Variants in DAB1 observed in about 807,000 individuals in gnomAD.
The protein encoded by DAB1 is DAB adaptor protein 1, also known as disabled homolog 1.
Under a neutral mutation model 64.6 loss-of-function variants are expected in DAB1, and 15 were observed. That is an observed-to-expected ratio of 0.23 (90% CI 0.16 to 0.36). The LOEUF (loss-of-function observed/expected upper bound fraction) is 0.36, where lower values mean the gene tolerates loss of function less well. DAB1 is among the 10% of genes least tolerant of loss of function. The pLI, the probability that DAB1 is intolerant of heterozygous loss-of-function variation, is 1.00. For missense variants in DAB1, 596 were observed against 706.7 expected, an observed-to-expected ratio of 0.84 and a Z score of 1.78; for synonymous variants, 235 against 251.9, an observed-to-expected ratio of 0.93 and a Z score of 0.64.
chr1:57,233,973 A>G (rs1338378279), intron 2 of DAB1, among the ~76,000 whole-genome samples: 3 of 152,112 alleles, frequency 2.0e-5, no homozygotes, highest in Admixed American at 2.0e-4. Flanking sequence ...AGAGGTAGAA[A>G]ACCATATTAA....
intron 7 of DAB1, among the ~76,000 whole-genome samples, chr1:57,597,716 T>G (rs992222226): frequency 6.6e-6 from 1 of 152,216 alleles, no homozygotes; most frequent in African/African-American, 2.4e-5. Context: ...CACAGCTAAT[T>G]TTTTCTTTAA....
intron 5 of DAB1, among the ~76,000 whole-genome samples, chr1:58,106,893 C>T (rs1259020763): frequency 1.1e-4 from 12 of 113,036 alleles, no homozygotes; most frequent in African/African-American, 4.4e-4. Context: ...TCCTTCCCTT[C>T]CTCTCTCCCT....
intron 7 of DAB1, among the ~76,000 whole-genome samples, chr1:57,543,028 G>A (rs1348735631): frequency 6.6e-6 from 1 of 152,114 alleles, no homozygotes; most frequent in Non-Finnish European, 1.5e-5. Flanking sequence ...GAGTGAGCTT[G>A]GAGGCATATC....
intron 3 of DAB1, among the ~76,000 whole-genome samples, chr1:58,389,132 A>G (rs1217253798): frequency 1.3e-5 from 2 of 152,180 alleles, no homozygotes; most frequent in African/African-American, 4.8e-5. Context: ...CCCTATTTTG[A>G]CAGAGTACTA....
At chr1:57,400,544 G>T (rs1683159938) in intron 1 of DAB1, among the ~76,000 whole-genome samples, 1 of 150,938 alleles carries the variant, frequency 6.6e-6, no homozygotes, top group Non-Finnish European at 1.5e-5. Flanking sequence ...CTACTTGCCA[G>T]TATCAGTCTT....
chr1:57,240,940 T>A (rs1457325411), intron 2 of DAB1, among the ~76,000 whole-genome samples: 1 of 152,190 alleles, frequency 6.6e-6, no homozygotes, highest in Non-Finnish European at 1.5e-5. Context: ...CCTTCTTGCA[T>A]CTCCTGGTGG....
Position 58,541,108 on chromosome 1 carries a change from G to C in DAB1, n.32+5595C>G, listed in dbSNP as rs865847510. Reference sequence around the variant, plus strand: ...GTGGATCATTTGAGGTCAGGCATTCGAGGCGTGAAACCCCGTCTCTACTAA... The same window carrying C: ...GTGGATCATTTGAGGTCAGGCATTCCAGGCGTGAAACCCCGTCTCTACTAA... On this transcript the variant is annotated intron_variant and non_coding_transcript_variant, in intron 1 of 20. Transcript: ENST00000485760. Among the ~76,000 whole-genome samples, 24 of 4,412 alleles carry C rather than the reference G, an allele frequency of 5.4e-3. No homozygotes were observed. The East Asian group carries it at 0.23, about 42-fold the overall frequency. The allele number at this position is 4,412 out of a possible 152,430, so 2.9% of individuals were successfully genotyped here. A position where few individuals can be genotyped will look rare whatever the true frequency, so the allele number is the denominator to read the frequency against.
At chr1:57,911,655 G>C (rs998418141) in intron 5 of DAB1, among the ~76,000 whole-genome samples, 3 of 152,182 alleles carry the variant, frequency 2.0e-5, no homozygotes, top group African/African-American at 7.2e-5. Context: ...CAGACGTCAT[G>C]GCTCATGGCC....
Position 57,397,509 on chromosome 1 carries a change from C to T in DAB1, c.-137+26421G>A, listed in dbSNP as rs12048646. Among the ~76,000 whole-genome samples, 1,573 of 152,254 alleles carry T rather than the reference C, an allele frequency of 0.01. 43 individuals carry two copies. The South Asian group carries it at 0.12, about 11-fold the overall frequency. On this transcript the variant is annotated intron_variant, in intron 1 of 14. Transcript: ENST00000371236. ...CCCATTCCACGAACATTTACCCAAA[C>T]CTGTTACTTGCCTGGCCCAGTGCTG...
At chr1:57,650,616 T>G (rs1646245258) in intron 6 of DAB1, among the ~76,000 whole-genome samples, 2 of 152,220 alleles carry the variant, frequency 1.3e-5, no homozygotes, top group Admixed American at 6.5e-5. Flanking sequence ...ATAACAGTGG[T>G]CATCTTTGTA....
intron 3 of DAB1, among the ~76,000 whole-genome samples, chr1:58,411,053 T>C (rs1369448712): frequency 1.3e-5 from 2 of 152,212 alleles, no homozygotes; most frequent in African/African-American, 2.4e-5. Flanking sequence ...TACTGTGCAA[T>C]AATGTGCTCT....
At chr1:58,045,180 C>A (rs931186514) in intron 5 of DAB1, among the ~76,000 whole-genome samples, 1 of 152,158 alleles carries the variant, frequency 6.6e-6, no homozygotes, top group Non-Finnish European at 1.5e-5. Flanking sequence ...ATCCTGCAGG[C>A]CGGCCGACAG....
At chr1:57,671,717 C>T (rs1646512210) in intron 6 of DAB1, among the ~76,000 whole-genome samples, 1 of 152,036 alleles carries the variant, frequency 6.6e-6, no homozygotes, top group African/African-American at 2.4e-5. Flanking sequence ...GTCTGAAAAA[C>T]AGTAACTCAC....
At chr1:58,018,424 C>T (rs925126977) in intron 5 of DAB1, among the ~76,000 whole-genome samples, 12 of 152,120 alleles carry the variant, frequency 7.9e-5, no homozygotes, top group Non-Finnish European at 1.5e-4. Flanking sequence ...CTAGGCCCTC[C>T]CACAGCCTTT....
intron 1 of DAB1, among the ~76,000 whole-genome samples, chr1:57,315,318 A>G (rs1023071046): frequency 6.6e-6 from 1 of 152,164 alleles, no homozygotes; most frequent in African/African-American, 2.4e-5. Context: ...CTCATTGTCT[A>G]TCTTAACCTC....
At chr1:57,544,035 A>C (rs1177690688) in intron 7 of DAB1, among the ~76,000 whole-genome samples, 2 of 152,088 alleles carry the variant, frequency 1.3e-5, no homozygotes, top group Non-Finnish European at 2.9e-5. Context: ...CTGAGGTAGA[A>C]GCCAGAGTCT....
intron 3 of DAB1, among the ~76,000 whole-genome samples, chr1:58,465,806 C>T (rs1645290591): frequency 6.6e-6 from 1 of 152,186 alleles, no homozygotes; most frequent in African/African-American, 2.4e-5. Context: ...ATTATCCACA[C>T]TTACCCACGA....
At chr1:58,259,374 G>T (rs1569576107) in intron 4 of DAB1, among the ~76,000 whole-genome samples, 1 of 152,320 alleles carries the variant, frequency 6.6e-6, no homozygotes, top group East Asian at 1.9e-4. Flanking sequence ...GCTCAGGCCT[G>T]TTGGTATCTT....
intron 11 of DAB1, among the ~76,000 whole-genome samples, chr1:57,017,232 C>T (rs1393887012): frequency 3.9e-5 from 6 of 152,064 alleles, no homozygotes; most frequent in Non-Finnish European, 8.8e-5. Context: ...TCAGGCTGGG[C>T]AGAGCAGAGA....
Sources: allele counts gnomAD v4.1 joint callset (sites outside exome capture counted in the v4.1 genomes callset), GRCh38; gene constraint gnomAD v4.1.1; transcripts MANE v1.5; gene names NCBI Gene and HGNC (gene_info 2026-07-23, HGNC 2026-07-21).